Variants in TBC1D4 observed in about 807,000 individuals in gnomAD.
The protein encoded by TBC1D4 is TBC (Tre-2, BUB2, CDC16) domain-containing protein.
A neutral mutation model predicts 142.5 loss-of-function variants in TBC1D4; 121 were observed. That is an observed-to-expected ratio of 0.85 (90% confidence interval 0.73 to 0.99). The LOEUF is 0.99. TBC1D4 is among the 50% of genes least tolerant of loss of function. TBC1D4 has a pLI of 0.00. For synonymous variants in TBC1D4, 630 were observed against 628.2 expected, an observed-to-expected ratio of 1.00 and a Z score of -0.04; for missense variants, 1,475 against 1,606.6, an observed-to-expected ratio of 0.92 and a Z score of 1.40.
intron 1 of TBC1D4, among the ~76,000 whole-genome samples, chr13:75,466,398 A>C (rs563013189): frequency 1.7e-4 from 26 of 152,340 alleles, no homozygotes; most frequent in African/African-American, 6.0e-4. Flanking sequence ...AAGAGTCTAA[A>C]GCAGAAAATA....
intron 17 of TBC1D4, among the ~76,000 whole-genome samples, chr13:75,297,440 A>T (rs1235740382): frequency 6.6e-6 from 1 of 152,174 alleles, no homozygotes; most frequent in Non-Finnish European, 1.5e-5. Context: ...TTACAAGACC[A>T]TCTGATTCCT....
At chr13:75,315,222 C>T (rs1282437537) in intron 12 of TBC1D4, among the ~76,000 whole-genome samples, 1 of 151,428 alleles carries the variant, frequency 6.6e-6, no homozygotes, top group Non-Finnish European at 1.5e-5. Context: ...GTGGGAGAAT[C>T]GCTTGAACCC....
intron 1 of TBC1D4, among the ~76,000 whole-genome samples, chr13:75,395,360 G>GT (rs1283143780): frequency 2.6e-5 from 4 of 152,210 alleles, no homozygotes; most frequent in South Asian, 2.1e-4. Context: ...TTTCGCGAAT[G>GT]TTTTTTAAAG....
chr13:75,288,948 G>A lies in TBC1D4; in HGVS notation c.3649C>T (p.Leu1217=). The part of the protein sequence containing the change: ...SQLKRQNMDL[L]EKLQVAHTKI... ...TATTTCTTTACCTGTAATTTTTCTA[G>A]GAGGTCCATGTTTTGTCTTTTCAGT... The change falls in exon 20 of 21, where the codon CTA becomes TTA. Residue 1217 remains leucine, a synonymous_variant. Transcript: ENST00000377636. The A allele has an allele frequency of 6.2e-7, 1 of 1,613,546 alleles. No individual in the cohort carries two copies. Among genetic ancestry groups the A allele is most frequent in the Non-Finnish European group, 8.5e-7 (1 of 1,179,776 alleles).
intron 4 of TBC1D4, among the ~76,000 whole-genome samples, chr13:75,353,915 T>A (rs1328026431): frequency 6.6e-6 from 1 of 152,130 alleles, no homozygotes; most frequent in African/African-American, 2.4e-5. Flanking sequence ...CACTCCTCAC[T>A]CCATGCAGTG....
rs546923187 is a variant in TBC1D4, at chr13:75,354,111, A to G, written c.1275+2036T>C. On this transcript the variant is annotated intron_variant, in intron 4 of 20. Coordinates refer to ENST00000377636, the MANE Select transcript of TBC1D4 (RefSeq NM_014832.5). Reference sequence around the variant, plus strand: ...CAGTCTTTGTGGTCTGACCCAGAGAAGAGCTTGTAAGACGAACGACATATG... The same window carrying G: ...CAGTCTTTGTGGTCTGACCCAGAGAGGAGCTTGTAAGACGAACGACATATG... Among the ~76,000 whole-genome samples the G allele has an allele frequency of 2.0e-5, 3 of 152,336 alleles. No individual in the cohort carries two copies. The South Asian group carries it at 6.2e-4, about 32-fold the overall frequency.
chr13:75,459,259 C>T (rs897417435), intron 1 of TBC1D4, among the ~76,000 whole-genome samples: 1 of 152,170 alleles, frequency 6.6e-6, no homozygotes, highest in Non-Finnish European at 1.5e-5. Flanking sequence ...AACTTCCCTG[C>T]CTTTCCCTTC....
intron 7 of TBC1D4, among the ~76,000 whole-genome samples, chr13:75,339,319 C>T (rs1880481849): frequency 6.6e-6 from 1 of 152,068 alleles, no homozygotes. Context: ...CAAGCAACCT[C>T]CCCCATAAAT....
intron 17 of TBC1D4, 75 bp downstream of exon 17, chr13:75,299,255 C>T: frequency 1.2e-6 from 2 of 1,604,798 alleles, no homozygotes; most frequent in East Asian, 2.2e-5. Flanking sequence ...TAAATCTGAA[C>T]TGTAATAATT....
At chr13:75,451,692 C>T (rs1384492858) in intron 1 of TBC1D4, among the ~76,000 whole-genome samples, 1 of 149,190 alleles carries the variant, frequency 6.7e-6, no homozygotes, top group Non-Finnish European at 1.5e-5. Context: ...AAAAAAACTC[C>T]AAAAGCTTTT....
intron 1 of TBC1D4, among the ~76,000 whole-genome samples, chr13:75,426,568 A>T (rs574837373): frequency 3.0e-4 from 46 of 152,290 alleles, no homozygotes; most frequent in Non-Finnish European, 5.0e-4. Flanking sequence ...CTGGTATGAG[A>T]CTCAGGAACT....
At chr13:75,321,424 T>C (rs987031071) in intron 11 of TBC1D4, among the ~76,000 whole-genome samples, 1 of 139,296 alleles carries the variant, frequency 7.2e-6, no homozygotes. Flanking sequence ...TGAGGAAATA[T>C]AGCGGTGCAT....
chr13:75,443,427 T>C (rs1887137582), intron 1 of TBC1D4, among the ~76,000 whole-genome samples: 2 of 152,134 alleles, frequency 1.3e-5, no homozygotes, highest in Non-Finnish European at 2.9e-5. Flanking sequence ...CAAGTGTGGG[T>C]AAGATCAGGG....
intron 12 of TBC1D4, among the ~76,000 whole-genome samples, chr13:75,314,488 C>G (rs1055124051): frequency 6.6e-6 from 1 of 152,120 alleles, no homozygotes; most frequent in Non-Finnish European, 1.5e-5. Flanking sequence ...GGAAACATTA[C>G]TTCTGGATTG....
chr13:75,448,990 A>G lies in TBC1D4; in HGVS notation c.498+32280T>C, dbSNP rs1248887386. ...AAAGTGACACTCATAGCAGTTTTTGAAATTCACATACACAAAGGGGAGAAT... is the reference window on the plus strand; with the variant it reads ...AAAGTGACACTCATAGCAGTTTTTGGAATTCACATACACAAAGGGGAGAAT... On this transcript the variant is annotated intron_variant, in intron 1 of 20. Transcript: ENST00000377636. Among the ~76,000 whole-genome samples the G allele has an allele frequency of 2.6e-5, 4 of 152,168 alleles. No homozygotes were observed. The East Asian group carries it at 7.7e-4, about 29-fold the overall frequency.
chr13:75,305,491 T>C (rs1395166499), intron 15 of TBC1D4, among the ~76,000 whole-genome samples: 4 of 152,250 alleles, frequency 2.6e-5, no homozygotes, highest in Admixed American at 2.6e-4. Flanking sequence ...TCTTTAGGAT[T>C]TCCATATCTT....
Position 75,399,135 on chromosome 13 carries a change from A to G in TBC1D4, c.499-36528T>C, listed in dbSNP as rs530054235. Among the ~76,000 whole-genome samples the G allele has an allele frequency of 2.0e-5, 3 of 152,314 alleles. No homozygotes were observed. The East Asian group carries it at 5.8e-4, about 29-fold the overall frequency. On this transcript the variant is annotated intron_variant, in intron 1 of 20. Coordinates refer to ENST00000377636, the MANE Select transcript of TBC1D4 (RefSeq NM_014832.5). ...GGCAGGCGGATCACGAGGTCAGGAG[A>G]TCAAGAATAAATGAAATAAGATCTC...
At chr13:75,438,501 A>G (rs142013462) in intron 1 of TBC1D4, among the ~76,000 whole-genome samples, 9 of 152,320 alleles carry the variant, frequency 5.9e-5, no homozygotes, top group Admixed American at 5.2e-4. Context: ...TGTCCTCTAA[A>G]GCACTTGGAA....
At chr13:75,299,647 CAGTGACCTCCA>C in intron 16 of TBC1D4, 73 bp from the exon 17 acceptor site, 1 of 1,568,560 alleles carries the variant, frequency 6.4e-7, no homozygotes, top group East Asian at 2.2e-5. Context: ...AATTGCAATT[CAGTGACCTCCA>C]AGAATAAACA....
Sources: gnomAD v4.1 joint callset for allele counts (sites outside exome capture counted in the v4.1 genomes callset) on GRCh38, gnomAD v4.1.1 for gene constraint, MANE v1.5 for transcripts, NCBI Gene and HGNC (gene_info 2026-07-23, HGNC 2026-07-21) for gene names.